The following ZNF804A variants were observed in gnomAD, a reference collection of about 807,000 sequenced individuals.
The protein encoded by ZNF804A is zinc finger protein 804A.
In ZNF804A, 2 loss-of-function variants were observed where a neutral mutation model predicts 16.5. That is an observed-to-expected ratio of 0.12 (90% CI 0.05 to 0.38). ZNF804A has a LOEUF of 0.38. Among genes scored for constraint, ZNF804A ranks in the 10% least tolerant of loss-of-function variants. ZNF804A has a pLI of 0.99. For missense variants in ZNF804A, 1,473 were observed against 1,390.7 expected (o/e 1.06, Z -0.94); for synonymous variants, 534 against 489.6 (o/e 1.09, Z -1.20).
chr2:184,784,393 A>G (rs1694418713), intron 1 of ZNF804A, among the ~76,000 whole-genome samples: 1 of 152,008 alleles, frequency 6.6e-6, no homozygotes, highest in Non-Finnish European at 1.5e-5. Flanking sequence ...TACTATATTA[A>G]TAATGTAAAT....
At chr2:184,810,221 C>A (rs1280270418) in intron 1 of ZNF804A, among the ~76,000 whole-genome samples, 13 of 152,080 alleles carry the variant, frequency 8.5e-5, no homozygotes, top group Non-Finnish European at 1.9e-4. Flanking sequence ...TATATGGTCT[C>A]CAAAGACTAA....
intron 1 of ZNF804A, among the ~76,000 whole-genome samples, chr2:184,836,974 T>A (rs1695357932): frequency 6.6e-6 from 1 of 151,976 alleles, no homozygotes; most frequent in African/African-American, 2.4e-5. Context: ...TGTGACTATG[T>A]ACATGGTGTG....
At chr2:184,861,959 T>C (rs561733925) in intron 1 of ZNF804A, among the ~76,000 whole-genome samples, 1 of 152,296 alleles carries the variant, frequency 6.6e-6, no homozygotes, top group East Asian at 1.9e-4. Flanking sequence ...GCCTTTACTG[T>C]TTTTACATAT....
At chr2:184,723,634 T>C (rs151325199) in intron 1 of ZNF804A, among the ~76,000 whole-genome samples, 47 of 151,898 alleles carry the variant, frequency 3.1e-4, no homozygotes, top group Admixed American at 5.3e-4. Context: ...AATGAAAACA[T>C]TTTTTAAGTA....
At chr2:184,703,052 C>T (rs1692951217) in intron 1 of ZNF804A, among the ~76,000 whole-genome samples, 1 of 152,054 alleles carries the variant, frequency 6.6e-6, no homozygotes, top group Admixed American at 6.6e-5. Flanking sequence ...GCAGTAGCTC[C>T]TTTTTGATTA....
At chr2:184,890,843 A>G (rs1192154146) in intron 2 of ZNF804A, among the ~76,000 whole-genome samples, 1 of 150,680 alleles carries the variant, frequency 6.6e-6, no homozygotes, top group Non-Finnish European at 1.5e-5. Flanking sequence ...TATATATTAC[A>G]TATTATATAT....
At chr2:184,918,957 T>C (rs1269832041) in intron 2 of ZNF804A, among the ~76,000 whole-genome samples, 2 of 152,196 alleles carry the variant, frequency 1.3e-5, no homozygotes, top group African/African-American at 2.4e-5. Context: ...GAATTTCCTA[T>C]GTAATTAAAC....
At chr2:184,675,478 T>G (rs1692408284) in intron 1 of ZNF804A, among the ~76,000 whole-genome samples, 1 of 151,760 alleles carries the variant, frequency 6.6e-6, no homozygotes, top group Non-Finnish European at 1.5e-5. Flanking sequence ...TGATAATTCT[T>G]TTTAAATAAA....
At chr2:184,847,793 GA>G (rs1695542999) in intron 1 of ZNF804A, among the ~76,000 whole-genome samples, 2 of 152,076 alleles carry the variant, frequency 1.3e-5, no homozygotes, top group Admixed American at 1.3e-4. Context: ...GAGTTTCTAA[GA>G]CCCCCTCCTC....
intron 1 of ZNF804A, among the ~76,000 whole-genome samples, chr2:184,615,821 T>A (rs1691310711): frequency 6.6e-6 from 1 of 152,082 alleles, no homozygotes; most frequent in Non-Finnish European, 1.5e-5. Flanking sequence ...CCACTGGAGA[T>A]CACTGGAAGC....
At chr2:184,754,943 T>C (rs1195581398) in intron 1 of ZNF804A, among the ~76,000 whole-genome samples, 1 of 151,832 alleles carries the variant, frequency 6.6e-6, no homozygotes. Flanking sequence ...TCAGATCTCG[T>C]GAGAAGTCAT....
At position 184,754,630 on chromosome 2, in the gene ZNF804A, T is replaced by C. The variant is rs571664540; in HGVS notation, c.112-111739T>C. On this transcript the variant is annotated intron_variant, in intron 1 of 3. Transcript: ENST00000302277. ...TCGAATTGAAACACATCAAAATAAA[T>C]ATTTTCAGCTTTGTTTTTTCTTTGA... Among the ~76,000 whole-genome samples the C allele has an allele frequency of 5.3e-5, 8 of 152,056 alleles. No homozygotes were observed. The South Asian group carries it at 1.4e-3, about 28-fold the overall frequency.
At chr2:184,816,197 A>C (rs73980327) in intron 1 of ZNF804A, among the ~76,000 whole-genome samples, 13,599 of 152,042 alleles carry the variant, frequency 0.089, 2,041 homozygotes, top group African/African-American at 0.31. Flanking sequence ...AATTGTTCCC[A>C]GATGGATTCA....
chr2:184,915,075 AT>A (rs1307717145), intron 2 of ZNF804A, among the ~76,000 whole-genome samples: 2 of 151,926 alleles, frequency 1.3e-5, no homozygotes, highest in African/African-American at 4.8e-5. Flanking sequence ...TCAAATTTAA[AT>A]TTAAGAAACT....
At chr2:184,603,309 T>A (rs947681827) in intron 1 of ZNF804A, among the ~76,000 whole-genome samples, 78 of 152,288 alleles carry the variant, frequency 5.1e-4, no homozygotes, top group Admixed American at 2.7e-3. Flanking sequence ...TTAAAAAATA[T>A]ATTCACATCT....
chr2:184,654,966 A>T (rs1020511829), intron 1 of ZNF804A, among the ~76,000 whole-genome samples: 1 of 152,220 alleles, frequency 6.6e-6, no homozygotes, highest in Non-Finnish European at 1.5e-5. Context: ...GAAATGGCAC[A>T]GATGCCACCA....
At chr2:184,812,625 T>C (rs1219107205) in intron 1 of ZNF804A, among the ~76,000 whole-genome samples, 1 of 152,094 alleles carries the variant, frequency 6.6e-6, no homozygotes, top group Non-Finnish European at 1.5e-5. Flanking sequence ...TTCCTATAAG[T>C]ATCATTTACA....
intron 1 of ZNF804A, among the ~76,000 whole-genome samples, chr2:184,726,397 C>T (rs1402097265): frequency 6.6e-6 from 1 of 151,368 alleles, no homozygotes. Flanking sequence ...GAACATATTT[C>T]TGAATAGGTA....
At chr2:184,732,564 A>G (rs1693537441) in intron 1 of ZNF804A, among the ~76,000 whole-genome samples, 1 of 152,126 alleles carries the variant, frequency 6.6e-6, no homozygotes, top group African/African-American at 2.4e-5. Context: ...TATCTTCAAA[A>G]TAACTTGCAG....
Sources: gnomAD v4.1 joint callset for allele counts (sites outside exome capture counted in the v4.1 genomes callset) on GRCh38, gnomAD v4.1.1 for gene constraint, MANE v1.5 for transcripts, NCBI Gene and HGNC (gene_info 2026-07-23, HGNC 2026-07-21) for gene names.